Variants in ATP11C observed in about 807,000 individuals in gnomAD.
ATP11C encodes phospholipid-transporting ATPase IG.
ATP11C carries 36 observed loss-of-function variants against 97.4 expected under a neutral mutation model. That is an observed-to-expected ratio of 0.37 (90% CI 0.28 to 0.49). ATP11C has a LOEUF of 0.49. ATP11C is among the 20% of genes least tolerant of loss of function. The pLI, the probability that ATP11C is intolerant of heterozygous loss-of-function variation, is 0.98. For missense variants in ATP11C, 730 were observed against 824.6 expected, an observed-to-expected ratio of 0.89 and a Z score of 1.40; for synonymous variants, 275 against 290.9, an observed-to-expected ratio of 0.95 and a Z score of 0.56.
chrX:139,813,532 T>C (rs777017488), intron 5 of ATP11C, among the ~76,000 whole-genome samples: 4 of 112,049 alleles, frequency 3.6e-5, no homozygotes, highest in Non-Finnish European at 7.5e-5. Context: ...TGCCCTTCAG[T>C]AGGTGAATGG....
intron 5 of ATP11C, among the ~76,000 whole-genome samples, chrX:139,804,998 C>T (rs980130885): frequency 6.2e-5 from 7 of 112,106 alleles, no homozygotes; most frequent in South Asian, 3.7e-4. Context: ...CTCTGTACCA[C>T]GCATACTTCA....
intron 19 of ATP11C, among the ~76,000 whole-genome samples, chrX:139,769,326 A>ATATATATT (rs2082208344): frequency 1.2e-4 from 8 of 67,008 alleles, no homozygotes; most frequent in Admixed American, 3.7e-4. Context: ...ATATATATAT[A>ATATATATT]TTCTTTAAAT....
intron 8 of ATP11C, 37 bp downstream of exon 8, chrX:139,800,023 C>T: frequency 4.9e-6 from 3 of 611,457 alleles, no homozygotes; most frequent in Non-Finnish European, 5.1e-6. Context: ...ACCCCCCCCC[C>T]CAACCAAAGG....
chrX:139,854,740 C>A (rs1459601700), intron 1 of ATP11C, among the ~76,000 whole-genome samples: 1 of 112,099 alleles, frequency 8.9e-6, no homozygotes, highest in Non-Finnish European at 1.9e-5. Flanking sequence ...AATATACTTT[C>A]AGTAAAAGGA....
At chrX:139,859,244 TAGAC>T (rs1445959671) in intron 1 of ATP11C, among the ~76,000 whole-genome samples, 1 of 111,624 alleles carries the variant, frequency 9.0e-6, no homozygotes, top group East Asian at 2.8e-4. Flanking sequence ...AAATTACTGC[TAGAC>T]AGGAGGAATA....
intron 18 of ATP11C, among the ~76,000 whole-genome samples, chrX:139,781,405 T>C (rs2148714217): frequency 8.9e-6 from 1 of 112,816 alleles, no homozygotes; most frequent in East Asian, 2.8e-4. Context: ...GCCTGTAAGT[T>C]AAAAGCATAT....
At chrX:139,865,576 A>G (rs1451080177) in intron 1 of ATP11C, among the ~76,000 whole-genome samples, 1 of 110,519 alleles carries the variant, frequency 9.0e-6, no homozygotes, top group African/African-American at 3.3e-5. Flanking sequence ...CCTGGCCAAC[A>G]TGGTGAAACC....
chrX:139,811,160 G>A (rs776227028), intron 5 of ATP11C, among the ~76,000 whole-genome samples: 14 of 110,406 alleles, frequency 1.3e-4, no homozygotes, highest in Non-Finnish European at 1.7e-4. Context: ...CTGATATTTC[G>A]GACGCCAAAA....
In ATP11C at chrX:139,916,999, GCCAAAACCACTCA is replaced by G. The variant is rs762556197; in HGVS notation, c.27+15004_27+15016del. 3.6e-5 allele frequency among the ~76,000 whole-genome samples: 4 copies of G among 111,567 alleles called. No homozygotes were observed. The South Asian group carries it at 1.5e-3, about 42-fold the overall frequency. On this transcript the variant is annotated intron_variant, in intron 1 of 29. Coordinates refer to ENST00000682941, the MANE Select transcript of ATP11C (RefSeq NM_001353812.2). The stretch of plus-strand genomic sequence containing the variant: ...TGGTCAAATGATCTTTAACAAGGGT[GCCAAAACCACTCA>G]GTGGGGGAAAAGAGTCTTCTCTTTT...
At chrX:139,933,812 AT>A (rs1349605302), upstream of ATP11C, among the ~76,000 whole-genome samples, 1 of 112,090 alleles carries the variant, frequency 8.9e-6, no homozygotes, top group Non-Finnish European at 1.9e-5. Flanking sequence ...TTTGCTGGGA[AT>A]TTTCTTTGTA....
At chrX:139,843,523 A>C (rs1229981252) in intron 1 of ATP11C, among the ~76,000 whole-genome samples, 1 of 111,950 alleles carries the variant, frequency 8.9e-6, no homozygotes, top group African/African-American at 3.2e-5. Flanking sequence ...GATGCTCAAA[A>C]ATCAGAGGTA....
At chrX:139,896,994 G>A (rs367563076) in intron 1 of ATP11C, among the ~76,000 whole-genome samples, 1 of 111,099 alleles carries the variant, frequency 9.0e-6, no homozygotes, top group Non-Finnish European at 1.9e-5. Context: ...TTGGAAGGCC[G>A]AGGTGGGCAG....
At chrX:139,936,163 A>T (rs2085514956), upstream of ATP11C, among the ~76,000 whole-genome samples, 1 of 111,572 alleles carries the variant, frequency 9.0e-6, no homozygotes, top group Non-Finnish European at 1.9e-5. Flanking sequence ...CATACAAATC[A>T]AAATATACTC....
chrX:139,936,830 G>C (rs995012652), upstream of ATP11C, among the ~76,000 whole-genome samples: 2 of 106,859 alleles, frequency 1.9e-5, no homozygotes, highest in African/African-American at 7.2e-5. Context: ...TCTGGGATCT[G>C]TGGGTCGGTC....
At chrX:139,863,353 C>T (rs1224013475) in intron 1 of ATP11C, among the ~76,000 whole-genome samples, 2 of 110,582 alleles carry the variant, frequency 1.8e-5, no homozygotes, top group Non-Finnish European at 3.8e-5. Flanking sequence ...GCCAACATGG[C>T]GAAACCCAAT....
At chrX:139,794,505 G>A (rs1441051495) in intron 12 of ATP11C, among the ~76,000 whole-genome samples, 2 of 111,981 alleles carry the variant, frequency 1.8e-5, no homozygotes, top group East Asian at 5.6e-4. Context: ...TGAAGTGATG[G>A]TCTGGCTATT....
intron 1 of ATP11C, among the ~76,000 whole-genome samples, chrX:139,908,719 T>G (rs1278379393): frequency 8.9e-6 from 1 of 112,300 alleles, no homozygotes; most frequent in Non-Finnish European, 1.9e-5. Context: ...TATAAACCAA[T>G]GCACAACCTG....
At chrX:139,839,508 G>A (rs926104976) in intron 1 of ATP11C, among the ~76,000 whole-genome samples, 1 of 111,446 alleles carries the variant, frequency 9.0e-6, no homozygotes, top group Non-Finnish European at 1.9e-5. Flanking sequence ...CAGCACTAGA[G>A]ACAGGGTGAT....
At chrX:139,782,819 T>C in intron 17 of ATP11C, 91 bp from the exon 18 acceptor site, 1 of 652,475 alleles carries the variant, frequency 1.5e-6, no homozygotes, top group South Asian at 3.5e-5. Flanking sequence ...TTTAGCCATA[T>C]GGACAAGAGA....
Sources: gnomAD v4.1 joint callset for allele counts (sites outside exome capture counted in the v4.1 genomes callset) on GRCh38, gnomAD v4.1.1 for gene constraint, MANE v1.5 for transcripts, NCBI Gene and HGNC (gene_info 2026-07-23, HGNC 2026-07-21) for gene names.